Variants in COL14A1 observed in about 807,000 individuals in gnomAD.
COL14A1 encodes the protein collagen alpha-1(XIV) chain.
A neutral mutation model predicts 230.3 loss-of-function variants in COL14A1; 136 were observed. That is an observed-to-expected ratio of 0.59 (90% CI 0.51 to 0.68). The LOEUF (loss-of-function observed/expected upper bound fraction) is 0.68. Among genes scored for constraint, COL14A1 ranks in the 30% least tolerant of loss-of-function variants. COL14A1 has a pLI of 0.00. For synonymous variants in COL14A1, 792 were observed against 784.1 expected (o/e 1.01, Z -0.17); for missense variants, 1,976 against 2,215.8 (o/e 0.89, Z 2.17).
intron 14 of COL14A1, among the ~76,000 whole-genome samples, chr8:120,219,538 T>A (rs967523853): frequency 1.1e-4 from 17 of 152,262 alleles, no homozygotes; most frequent in Admixed American, 1.1e-3. Flanking sequence ...CCTTACCTGG[T>A]GGAAGGAGCA....
chr8:120,183,815 G>T (rs1816556306), intron 5 of COL14A1, among the ~76,000 whole-genome samples: 1 of 152,072 alleles, frequency 6.6e-6, no homozygotes, highest in Non-Finnish European at 1.5e-5. Context: ...ATCTTTAATT[G>T]CAAGGCTTGT....
At position 120,314,013 on chromosome 8, in the gene COL14A1, A is replaced by G. The variant is rs1462728844; in HGVS notation, c.4537A>G (p.Ile1513Val). 7 of 1,609,654 alleles carry G rather than the reference A, an allele frequency of 4.3e-6. No individual in the cohort carries two copies. Among genetic ancestry groups the G allele is most frequent in the Non-Finnish European group, 5.9e-6 (7 of 1,177,828 alleles). Residue 1513 changes from isoleucine (I) to valine (V), a missense_variant, in exon 38 of 48, where the codon ATT becomes GTT. Physicochemically the swap from Ile to Val is conservative, Grantham distance 29. Around this residue, in one of 3 missense-constraint regions of COL14A1, gnomAD observed 1,791 missense variants for 2,019.5 expected, o/e 0.89. Transcript: ENST00000297848. ...ACCTCAAGGACCAAGTGGTCTGTCC[A>G]TTCAAGGAATGCCCGTGAGTTGTGT... ...PGPQGPSGLSIQGMPGMPGEK... is the reference protein window; with the variant it reads ...PGPQGPSGLSVQGMPGMPGEK...
intron 45 of COL14A1, among the ~76,000 whole-genome samples, chr8:120,347,916 A>G (rs573681229): frequency 6.6e-6 from 1 of 152,328 alleles, no homozygotes; most frequent in African/African-American, 2.4e-5. Flanking sequence ...AAGCAAGATT[A>G]TGAGAAATAT....
chr8:120,354,126 T>C (rs1822884021), intron 45 of COL14A1, among the ~76,000 whole-genome samples: 1 of 111,376 alleles, frequency 9.0e-6, no homozygotes, highest in African/African-American at 3.9e-5. Flanking sequence ...TCATTCTCAG[T>C]AAACTATCAC....
intron 19 of COL14A1, among the ~76,000 whole-genome samples, chr8:120,237,943 G>C (rs1009779951): frequency 2.0e-5 from 3 of 152,168 alleles, no homozygotes; most frequent in African/African-American, 7.2e-5. Flanking sequence ...ATCAGCAGAG[G>C]CTGCAGAAAA....
At chr8:120,309,857 C>T (rs2130081917) in intron 36 of COL14A1, 152 bp from the exon 37 acceptor site, 2 of 576,842 alleles carry the variant, frequency 3.5e-6, no homozygotes, top group East Asian at 3.3e-5. Context: ...GGTAAATTTC[C>T]AGTTAAGGAT....
At chr8:120,312,171 A>C (rs1054682768) in intron 37 of COL14A1, among the ~76,000 whole-genome samples, 2 of 152,074 alleles carry the variant, frequency 1.3e-5, no homozygotes, top group Admixed American at 6.6e-5. Flanking sequence ...ACAAATACTA[A>C]GTAATACATA....
At chr8:120,245,993 G>A (rs114174370) in intron 20 of COL14A1, among the ~76,000 whole-genome samples, 2,501 of 152,250 alleles carry the variant, frequency 0.016, 55 homozygotes, top group African/African-American at 0.055. Flanking sequence ...TGGAAGGAGG[G>A]TTGAAAACTC....
intron 36 of COL14A1, among the ~76,000 whole-genome samples, chr8:120,302,251 T>C (rs914504177): frequency 1.1e-4 from 16 of 152,212 alleles, no homozygotes; most frequent in Admixed American, 9.8e-4. Context: ...TAGAGCCCAT[T>C]TGTAAATTTT....
chr8:120,127,601 C>T (rs371642563), intron 1 of COL14A1, among the ~76,000 whole-genome samples: 1 of 152,198 alleles, frequency 6.6e-6, no homozygotes, highest in Non-Finnish European at 1.5e-5. Context: ...CTGAACAAAT[C>T]GATCTGATTT....
intron 45 of COL14A1, among the ~76,000 whole-genome samples, chr8:120,348,316 T>C (rs941968880): frequency 6.7e-5 from 10 of 148,158 alleles, no homozygotes; most frequent in Non-Finnish European, 1.2e-4. Context: ...CATATATATA[T>C]ATATATATGT....
Position 120,199,512 on chromosome 8 carries a change from A to T in COL14A1, c.823A>T (p.Ile275Phe). 1 of 1,613,218 alleles carries T rather than the reference A, an allele frequency of 6.2e-7. No individual in the cohort carries two copies. Among genetic ancestry groups the T allele is most frequent in the Non-Finnish European group, 8.5e-7 (1 of 1,179,624 alleles). Residue 275 changes from isoleucine to phenylalanine, a missense_variant, in exon 8 of 48, where the codon ATT becomes TTT. Physicochemically the swap from Ile to Phe is conservative, Grantham distance 21. This residue lies in a region of COL14A1 where 1,791 missense variants were observed against 2,019.5 expected (regional missense o/e 0.89). Transcript: ENST00000297848. ...LITDGKSQDD[I>F]IPPSRNLRES... ...CACAGATGGAAAATCCCAAGATGACATTATTCCACCATCTAGAAATCTTCG... is the reference window on the plus strand; with the variant it reads ...CACAGATGGAAAATCCCAAGATGACTTTATTCCACCATCTAGAAATCTTCG...
At chr8:120,227,431 G>T in intron 17 of COL14A1, 79 bp downstream of exon 17, 3 of 1,552,086 alleles carry the variant, frequency 1.9e-6, no homozygotes, top group East Asian at 2.3e-5. Flanking sequence ...TTCCCCATCT[G>T]CTTTATCTTT....
intron 45 of COL14A1, among the ~76,000 whole-genome samples, chr8:120,348,893 T>G (rs1822639338): frequency 6.6e-6 from 1 of 152,280 alleles, no homozygotes; most frequent in Non-Finnish European, 1.5e-5. Context: ...TTACCCTTCC[T>G]GTTATTCCCT....
chr8:120,312,019 C>T (rs1353125817), intron 37 of COL14A1, among the ~76,000 whole-genome samples: 1 of 152,024 alleles, frequency 6.6e-6, no homozygotes, highest in East Asian at 1.9e-4. Flanking sequence ...ATCACTTGAA[C>T]CTGGGAGGCA....
In COL14A1 at chr8:120,147,852, T is replaced by C. The variant is rs138764883; in HGVS notation, c.10T>C (p.Phe4Leu). MKI[F>L]QRKMRYWLLP... is the part of the protein sequence containing the mutation. ...AAAAGCGGAAAATAAAATGAAGATT[T>C]TCCAGCGCAAGATGCGGTACTGGTT... Residue 4 changes from phenylalanine (F) to leucine (L), a missense_variant, in exon 2 of 48, where the codon TTC becomes CTC. Physicochemically the swap from Phe to Leu is conservative, Grantham distance 22. Coordinates refer to ENST00000297848, the MANE Select transcript of COL14A1 (RefSeq NM_021110.4). 4.3e-6 allele frequency: 7 copies of C among 1,613,574 alleles called. No individual in the cohort carries two copies. The highest frequency in any genetic ancestry group is 5.9e-6 in the Non-Finnish European group (7 of 1,179,806).
chr8:120,314,767 T>C (rs1174252484), intron 38 of COL14A1, among the ~76,000 whole-genome samples: 3 of 152,252 alleles, frequency 2.0e-5, no homozygotes, highest in African/African-American at 7.2e-5. Flanking sequence ...CCAATTTGTG[T>C]AATTACTACT....
chr8:120,212,307 A>G (rs1321232510), intron 12 of COL14A1, 141 bp from the exon 13 acceptor site: 2 of 705,794 alleles, frequency 2.8e-6, no homozygotes, highest in East Asian at 2.8e-5. Context: ...TTTAAAAATT[A>G]TGACTGAAGC....
intron 1 of COL14A1, 55 bp downstream of exon 1, chr8:120,125,395 G>C (rs1342762814): frequency 6.6e-6 from 1 of 152,398 alleles, no homozygotes; most frequent in African/African-American, 2.4e-5. Context: ...CCATTCATGA[G>C]CAAGGAAAAG....
Sources: gnomAD v4.1 joint callset for allele counts (sites outside exome capture counted in the v4.1 genomes callset) on GRCh38, gnomAD v4.1.1 for gene constraint, gnomAD v4.1.1 regional missense constraint, MANE v1.5 for transcripts, NCBI Gene and HGNC (gene_info 2026-07-23, HGNC 2026-07-21) for gene names.